The following METTL5 variants were observed in gnomAD, a reference collection of about 807,000 sequenced individuals.
The protein encoded by METTL5 is rRNA N(6)-adenosine-methyltransferase METTL5.
In METTL5, 28 loss-of-function variants were observed where a neutral mutation model predicts 26.5. The ratio of observed to expected loss-of-function variants is 1.06; its 90% CI spans 0.78 to 1.45. The LOEUF (loss-of-function observed/expected upper bound fraction) is 1.45, where lower values mean the gene tolerates loss of function less well. METTL5 is among the 40% of genes most tolerant of loss of function. The pLI, the probability that METTL5 is intolerant of heterozygous loss-of-function variation, is 0.00. For missense variants in METTL5, 231 were observed against 249.9 expected, an observed-to-expected ratio of 0.92 and a Z score of 0.51; for synonymous variants, 86 against 82.6, an observed-to-expected ratio of 1.04 and a Z score of -0.22.
At chr2:169,815,645 C>A (rs1019182870) in intron 4 of METTL5, 117 bp from the exon 5 acceptor site, 9 of 667,082 alleles carry the variant, frequency 1.3e-5, no homozygotes, top group African/African-American at 3.7e-5. Flanking sequence ...AGAATCTAGA[C>A]CCTTATAAAA....
chr2:169,822,012 T>C lies in METTL5; in HGVS notation c.155A>G (p.Asn52Ser). ...ACATCCTAGATCTGCAACGACTTTA[T>C]TTTCAATGTCATCATAAGTGTTATG... ...TIHNTYDDIE[N>S]KVVADLGCGC... Residue 52 changes from asparagine (N) to serine (S), a missense_variant, in exon 2 of 7, where the codon AAT becomes AGT. Transcript: ENST00000260953. 5 of 1,613,272 alleles carry C rather than the reference T, an allele frequency of 3.1e-6. No individual in the cohort carries two copies. The highest frequency in any genetic ancestry group is 4.2e-6 in the Non-Finnish European group (5 of 1,180,004).
rs1005650979 is a variant in METTL5 at position 169,824,391 on chromosome 2, T to C, written c.109+98A>G. 23 of 1,000,466 alleles carry C rather than the reference T, an allele frequency of 2.3e-5. No individual in the cohort carries two copies. The Admixed American group carries it at 4.0e-4, about 17-fold the overall frequency. The allele number at this position is 1,000,466 out of a possible 1,614,324, so 62.0% of individuals were successfully genotyped here. ...ACAGGTGATCTTAGGGCAGAATTTC[T>C]CTAGACATTCTCTGTATCCAAATAA... On this transcript the variant is annotated intron_variant, in intron 1 of 6. Coordinates refer to ENST00000260953, the MANE Select transcript of METTL5 (RefSeq NM_014168.4).
At chr2:169,816,932 A>G (rs923181668) in intron 4 of METTL5, among the ~76,000 whole-genome samples, 4 of 152,258 alleles carry the variant, frequency 2.6e-5, no homozygotes, top group Non-Finnish European at 5.9e-5. Context: ...GCCAAAATTG[A>G]TAAATGGGAT....
chr2:169,816,112 A>G (rs936498005), intron 4 of METTL5, among the ~76,000 whole-genome samples: 2 of 152,176 alleles, frequency 1.3e-5, no homozygotes. Flanking sequence ...ATGCATGACT[A>G]TTTCAGAAAT....
chr2:169,823,560 C>T (rs1392438715), intron 1 of METTL5, among the ~76,000 whole-genome samples: 1 of 152,198 alleles, frequency 6.6e-6, no homozygotes, highest in Admixed American at 6.5e-5. Flanking sequence ...TGGCTCATGC[C>T]TGTAATCTCA....
chr2:169,815,940 G>A (rs1019076138), intron 4 of METTL5, among the ~76,000 whole-genome samples: 3 of 152,024 alleles, frequency 2.0e-5, no homozygotes, highest in African/African-American at 7.3e-5. Context: ...ATACCATTGT[G>A]TTACAATTGC....
chr2:169,813,336 A>T (rs187948573), intron 5 of METTL5, among the ~76,000 whole-genome samples: 1 of 151,530 alleles, frequency 6.6e-6, no homozygotes, highest in East Asian at 2.0e-4. Context: ...TCACTATGTT[A>T]GCCAGGATGG....
In METTL5 at chr2:169,812,487, T is replaced by C. The variant is rs1225734915; in HGVS notation, c.561A>G (p.Pro187=). The change falls in exon 6 of 7, where the codon CCA becomes CCG. Residue 187 remains proline (P), a synonymous_variant. Transcript: ENST00000260953. ...TCTTTTTGTGAAACTTGTATGATGC[T>C]GGCAGGTCATATCGAAGTTCTGTAA... ...DIIAELRYDL[P]ASYKFHKKKS... The C allele has an allele frequency of 6.2e-7, 1 of 1,614,072 alleles. No homozygotes were observed. Among genetic ancestry groups the C allele is most frequent in the Non-Finnish European group, 8.5e-7 (1 of 1,179,996 alleles).
At chr2:169,824,232 G>A in intron 1 of METTL5, 1 of 359,922 alleles carries the variant, frequency 2.8e-6, no homozygotes, top group Non-Finnish European at 5.1e-6. Context: ...AATGTGAGAA[G>A]AGAAAAAAAC....
intron 3 of METTL5, 35 bp from the exon 4 acceptor site, chr2:169,819,678 C>G: frequency 1.4e-6 from 2 of 1,391,566 alleles, no homozygotes; most frequent in Non-Finnish European, 2.0e-6. Context: ...CTATTTACCT[C>G]TTCTCAAAAC....
intron 4 of METTL5, among the ~76,000 whole-genome samples, chr2:169,818,549 T>C (rs1337418576): frequency 6.6e-6 from 1 of 152,216 alleles, no homozygotes; most frequent in African/African-American, 2.4e-5. Flanking sequence ...TGTTGTGTCC[T>C]GTTGCTTGCC....
chr2:169,822,619 C>T (rs1157625680), intron 1 of METTL5, among the ~76,000 whole-genome samples: 1 of 151,172 alleles, frequency 6.6e-6, no homozygotes, highest in Non-Finnish European at 1.5e-5. Context: ...TTTTTAAACA[C>T]AGGTTCTCAC....
At chr2:169,820,189 T>G (rs908646799) in intron 3 of METTL5, among the ~76,000 whole-genome samples, 1 of 152,132 alleles carries the variant, frequency 6.6e-6, no homozygotes, top group African/African-American at 2.4e-5. Context: ...ACTCCCGACC[T>G]CAGGTAATCC....
At chr2:169,819,402 A>G (rs73016479) in intron 4 of METTL5, among the ~76,000 whole-genome samples, 159 bp downstream of exon 4, 4,689 of 152,298 alleles carry the variant, frequency 0.031, 73 homozygotes, top group Middle Eastern at 0.061. Flanking sequence ...GAAAAAGGCC[A>G]ATCAGATGCT....
intron 1 of METTL5, 114 bp from the exon 2 acceptor site, chr2:169,822,171 A>C: frequency 1.4e-5 from 19 of 1,343,398 alleles, no homozygotes; most frequent in Admixed American, 2.7e-5. Context: ...TCCTCCCCAA[A>C]TGCCATTCCA....
At chr2:169,823,686 C>G (rs544858082) in intron 1 of METTL5, among the ~76,000 whole-genome samples, 2 of 152,008 alleles carry the variant, frequency 1.3e-5, no homozygotes, top group South Asian at 2.1e-4. Flanking sequence ...CCAGGCATGA[C>G]GGTGCATGCC....
intron 4 of METTL5, among the ~76,000 whole-genome samples, chr2:169,815,886 A>G (rs2081499334): frequency 6.6e-6 from 1 of 152,224 alleles, no homozygotes; most frequent in Non-Finnish European, 1.5e-5. Flanking sequence ...ATCACAGCAC[A>G]ACACATTACC....
intron 1 of METTL5, 146 bp from the exon 2 acceptor site, chr2:169,822,203 G>A (rs2081594765): frequency 1.6e-6 from 2 of 1,219,274 alleles, no homozygotes; most frequent in Admixed American, 2.8e-5. Flanking sequence ...TAAAAGATAA[G>A]GGGTAATGAT....
chr2:169,812,460 T>A lies in METTL5; in HGVS notation c.588A>T (p.Lys196Asn), dbSNP rs1161712290. ...LPASYKFHKK[K>N]SVDIEVDLIR... ...CAGCCAAAATCAAGAGACTTACTGA[T>A]TTCTTTTTGTGAAACTTGTATGATG... The change falls in exon 6 of 7, where the codon AAA becomes AAT. Residue 196 changes from lysine to asparagine, a missense_variant. Coordinates refer to ENST00000260953, the MANE Select transcript of METTL5 (RefSeq NM_014168.4). 1 of 1,614,034 alleles carries A rather than the reference T, an allele frequency of 6.2e-7. No homozygotes were observed. Among genetic ancestry groups the A allele is most frequent in the Admixed American group, 1.7e-5 (1 of 59,998 alleles).
Sources: allele counts gnomAD v4.1 joint callset (sites outside exome capture counted in the v4.1 genomes callset), GRCh38; gene constraint gnomAD v4.1.1; transcripts MANE v1.5; gene names NCBI Gene and HGNC (gene_info 2026-07-23, HGNC 2026-07-21).